TTLL11: variants seen among roughly 807,000 people sequenced by gnomAD.
The protein encoded by TTLL11 is tubulin polyglutamylase TTLL11.
TTLL11 carries 42 observed loss-of-function variants against 51.7 expected under a neutral mutation model. The observed-to-expected ratio is 0.81, with a 90% confidence interval of 0.64 to 1.05. The LOEUF (loss-of-function observed/expected upper bound fraction) is 1.05. TTLL11 is among the 50% of genes least tolerant of loss of function. TTLL11 has a pLI of 0.00. For synonymous variants in TTLL11, 381 were observed against 383.5 expected (o/e 0.99, Z 0.08); for missense variants, 799 against 940.4 (o/e 0.85, Z 1.97).
chr9:121,987,640 C>T (rs1366284868), intron 4 of TTLL11, among the ~76,000 whole-genome samples: 3 of 152,154 alleles, frequency 2.0e-5, no homozygotes, highest in Non-Finnish European at 2.9e-5. Context: ...TCTTGCCCGG[C>T]GTCTCAGCAG....
intron 1 of TTLL11, among the ~76,000 whole-genome samples, chr9:122,047,173 C>G (rs1397095354): frequency 6.6e-6 from 1 of 152,170 alleles, no homozygotes; most frequent in Non-Finnish European, 1.5e-5. Flanking sequence ...AAGTTTCCAG[C>G]ATATGCCTGT....
chr9:121,852,557 G>C (rs35539176), intron 8 of TTLL11, among the ~76,000 whole-genome samples: 30,383 of 152,078 alleles, frequency 0.2, 3,781 homozygotes, highest in East Asian at 0.39. Flanking sequence ...CTGTTTTTGG[G>C]GGGTGGGGCC....
At chr9:122,061,520 A>C (rs1410935337) in intron 1 of TTLL11, among the ~76,000 whole-genome samples, 1 of 152,214 alleles carries the variant, frequency 6.6e-6, no homozygotes, top group Non-Finnish European at 1.5e-5. Context: ...TACATTTTTA[A>C]CACCACTAAA....
At chr9:122,024,434 T>G (rs1297583253) in intron 3 of TTLL11, among the ~76,000 whole-genome samples, 1 of 152,178 alleles carries the variant, frequency 6.6e-6, no homozygotes, top group Non-Finnish European at 1.5e-5. Flanking sequence ...ATTGACAAGC[T>G]GATTCTATAT....
intron 3 of TTLL11, among the ~76,000 whole-genome samples, chr9:121,998,633 A>G (rs1843363247): frequency 1.3e-5 from 2 of 151,834 alleles, no homozygotes; most frequent in South Asian, 2.1e-4. Flanking sequence ...TTATTTTGCA[A>G]CACTCAAACA....
intron 3 of TTLL11, among the ~76,000 whole-genome samples, chr9:122,016,356 C>T (rs984588719): frequency 3.3e-5 from 5 of 152,106 alleles, no homozygotes; most frequent in Admixed American, 6.5e-5. Context: ...CTCTATAAGG[C>T]GTGTGCAGGA....
chr9:121,962,263 A>G (rs1842253810), intron 6 of TTLL11, among the ~76,000 whole-genome samples: 1 of 152,086 alleles, frequency 6.6e-6, no homozygotes, highest in Non-Finnish European at 1.5e-5. Context: ...TTACTTTCAT[A>G]ATGAGGAAAA....
chr9:121,897,285 G>T (rs1309369157), intron 6 of TTLL11, among the ~76,000 whole-genome samples: 2 of 152,094 alleles, frequency 1.3e-5, no homozygotes, highest in African/African-American at 4.8e-5. Flanking sequence ...CAGGACACAG[G>T]CCCAGAGAGG....
At chr9:122,016,901 T>C (rs1012252791) in intron 3 of TTLL11, among the ~76,000 whole-genome samples, 1 of 152,188 alleles carries the variant, frequency 6.6e-6, no homozygotes, top group African/African-American at 2.4e-5. Flanking sequence ...AATTTTTTTA[T>C]TGGCCATCTG....
At chr9:121,846,783 T>C (rs1406088331) in intron 8 of TTLL11, among the ~76,000 whole-genome samples, 1 of 152,208 alleles carries the variant, frequency 6.6e-6, no homozygotes, top group East Asian at 1.9e-4. Flanking sequence ...CCAGTGATAT[T>C]AGTGCTTAGA....
intron 8 of TTLL11, among the ~76,000 whole-genome samples, chr9:121,837,935 C>T (rs1470319662): frequency 6.6e-6 from 1 of 152,176 alleles, no homozygotes; most frequent in East Asian, 1.9e-4. Flanking sequence ...TCTCGCTCTC[C>T]TGCTTCTTGC....
Position 121,989,142 on chromosome 9 carries a change from C to T in TTLL11, c.1269+53G>A, listed in dbSNP as rs142846947. 1.7e-5 allele frequency: 27 copies of T among 1,595,028 alleles called. No individual in the cohort carries two copies. The highest frequency in any genetic ancestry group is 2.2e-5 in the Non-Finnish European group (26 of 1,169,456). On this transcript the variant is annotated intron_variant, in intron 4 of 8. Transcript: ENST00000321582. The surrounding 1 kb of genome is among the most constrained non-coding windows in gnomAD (Gnocchi z 4.2). The stretch of plus-strand genomic sequence containing the variant: ...TCATCCTACACGAAGCCAGAGAGCC[C>T]TCTTGAGGCCGGTCAAGGCTGGAAA...
intron 6 of TTLL11, among the ~76,000 whole-genome samples, chr9:121,902,643 TC>T (rs1425224542): frequency 6.6e-6 from 1 of 150,686 alleles, no homozygotes; most frequent in Non-Finnish European, 1.5e-5. Context: ...TATCTCACTC[TC>T]CTTTTTCGTG....
chr9:121,844,083 A>G (rs1207386028), intron 8 of TTLL11, among the ~76,000 whole-genome samples: 1 of 152,162 alleles, frequency 6.6e-6, no homozygotes, highest in Non-Finnish European at 1.5e-5. Context: ...AAAAGGGGCT[A>G]AGAAGCACTT....
At chr9:121,964,648 T>G (rs1447662251) in intron 6 of TTLL11, among the ~76,000 whole-genome samples, 2 of 152,096 alleles carry the variant, frequency 1.3e-5, no homozygotes, top group East Asian at 3.9e-4. Flanking sequence ...GGTTTCCATC[T>G]AGCTCCCACC....
intron 1 of TTLL11, among the ~76,000 whole-genome samples, chr9:122,089,541 G>A (rs1846207546): frequency 1.3e-5 from 2 of 152,206 alleles, no homozygotes; most frequent in Non-Finnish European, 2.9e-5. Flanking sequence ...GAACTTTAAA[G>A]TTTAGCTACT....
At chr9:121,943,115 A>G (rs1841548458) in intron 6 of TTLL11, among the ~76,000 whole-genome samples, 1 of 152,038 alleles carries the variant, frequency 6.6e-6, no homozygotes, top group Non-Finnish European at 1.5e-5. Flanking sequence ...ACCTTGACTC[A>G]CCCCCATCCG....
chr9:121,985,348 A>C (rs1410943886), intron 4 of TTLL11, among the ~76,000 whole-genome samples: 1 of 152,142 alleles, frequency 6.6e-6, no homozygotes, highest in African/African-American at 2.4e-5. Flanking sequence ...TAAGTGACTT[A>C]TACAAGAATA....
chr9:121,848,095 C>T (rs1171466179), intron 8 of TTLL11, among the ~76,000 whole-genome samples: 1 of 151,834 alleles, frequency 6.6e-6, no homozygotes, highest in Non-Finnish European at 1.5e-5. Context: ...TAGCCCTAAC[C>T]ACTCAGGAGG....
Sources: allele counts gnomAD v4.1 joint callset (sites outside exome capture counted in the v4.1 genomes callset), GRCh38; gene constraint gnomAD v4.1.1; non-coding constraint Gnocchi (gnomAD v3.1); transcripts MANE v1.5; gene names NCBI Gene and HGNC (gene_info 2026-07-23, HGNC 2026-07-21).